EXOC4: variants seen among roughly 807,000 people sequenced by gnomAD.
EXOC4 encodes exocyst complex component 4.
Under a neutral mutation model 107.2 loss-of-function variants are expected in EXOC4, and 71 were observed. That is an observed-to-expected ratio of 0.66 (90% confidence interval 0.55 to 0.81). The LOEUF (loss-of-function observed/expected upper bound fraction) is 0.81, where lower values mean the gene tolerates loss of function less well. EXOC4 is among the 30% of genes least tolerant of loss of function. EXOC4 has a pLI of 0.00. For missense variants in EXOC4, 1,108 were observed against 1,189.6 expected, an observed-to-expected ratio of 0.93 and a Z score of 1.01; for synonymous variants, 456 against 441.2, an observed-to-expected ratio of 1.03 and a Z score of -0.42.
At chr7:133,698,116 A>G (rs1794575849) in intron 10 of EXOC4, among the ~76,000 whole-genome samples, 1 of 4,620 alleles carries the variant, frequency 2.2e-4, no homozygotes, top group African/African-American at 2.6e-4. Flanking sequence ...TAAATAATTT[A>G]TGAAAAAAAA....
At chr7:133,534,489 G>A (rs1411576965) in intron 9 of EXOC4, among the ~76,000 whole-genome samples, 5 of 152,112 alleles carry the variant, frequency 3.3e-5, no homozygotes, top group Non-Finnish European at 1.5e-5. Context: ...AAAGAGGATG[G>A]AAATCACAGC....
chr7:133,683,694 A>C (rs745656897), intron 10 of EXOC4, among the ~76,000 whole-genome samples: 2 of 152,126 alleles, frequency 1.3e-5, no homozygotes, highest in Non-Finnish European at 2.9e-5. Flanking sequence ...CCCACATAGC[A>C]CATTGTCTCT....
chr7:133,609,597 G>A (rs1802031554), intron 9 of EXOC4, among the ~76,000 whole-genome samples: 1 of 152,164 alleles, frequency 6.6e-6, no homozygotes, highest in Admixed American at 6.5e-5. Context: ...ATTTATATGT[G>A]TAAAGCATAG....
rs148073739 is a variant in EXOC4, at chr7:134,005,051, G to A, written c.2488G>A (p.Ala830Thr). 1.6e-4 allele frequency: 253 copies of A among 1,613,422 alleles called. No individual in the cohort carries two copies. The African/African-American group carries it at 1.9e-3, about 12-fold the overall frequency. Residue 830 changes from alanine to threonine, a missense_variant, in exon 16 of 18, where the codon GCC becomes ACC. Physicochemically the swap from Ala to Thr is moderately conservative, Grantham distance 58. Coordinates refer to ENST00000253861, the MANE Select transcript of EXOC4 (RefSeq NM_021807.4). ...DISAIEEAMS[A>T]SLQQHKFQYI... ...CAGCGCCATTGAAGAGGCCATGAGC[G>A]CCAGCCTTCAGCAGCACAAGTTCCA... is the stretch of plus-strand genomic sequence containing the variant.
chr7:133,758,524 A>G (rs1795965524), intron 10 of EXOC4, among the ~76,000 whole-genome samples: 1 of 152,248 alleles, frequency 6.6e-6, no homozygotes, highest in African/African-American at 2.4e-5. Context: ...ATTAAAGGCT[A>G]GGTCTCAATC....
chr7:133,871,197 T>G (rs556950656), intron 11 of EXOC4, among the ~76,000 whole-genome samples: 1 of 152,288 alleles, frequency 6.6e-6, no homozygotes, highest in Non-Finnish European at 1.5e-5. Context: ...TTATACCTTA[T>G]TACTGTTTGT....
intron 17 of EXOC4, among the ~76,000 whole-genome samples, chr7:134,012,201 A>G (rs1181818640): frequency 1.3e-5 from 2 of 152,132 alleles, no homozygotes; most frequent in African/African-American, 4.8e-5. Flanking sequence ...CATAATGTGA[A>G]TCAGTCTGGC....
chr7:133,661,580 G>A (rs948024449), intron 10 of EXOC4, among the ~76,000 whole-genome samples: 3 of 149,422 alleles, frequency 2.0e-5, no homozygotes, highest in African/African-American at 4.9e-5. Flanking sequence ...TCCATCTCTC[G>A]GCTTTGGAGC....
intron 9 of EXOC4, among the ~76,000 whole-genome samples, chr7:133,495,742 G>A (rs543512620): frequency 1.3e-5 from 2 of 152,060 alleles, no homozygotes; most frequent in South Asian, 2.1e-4. Flanking sequence ...GACTTTCATC[G>A]TTTCCACTTT....
At chr7:133,869,569 C>T (rs1410681774) in intron 11 of EXOC4, among the ~76,000 whole-genome samples, 1 of 152,120 alleles carries the variant, frequency 6.6e-6, no homozygotes, top group Admixed American at 6.5e-5. Context: ...AGTAGGTGCT[C>T]AAGAAATATT....
chr7:133,492,707 AGAAT>A (rs1439057958), intron 9 of EXOC4, among the ~76,000 whole-genome samples: 3 of 152,078 alleles, frequency 2.0e-5, no homozygotes, highest in Non-Finnish European at 4.4e-5. Flanking sequence ...TAGTCTCTTA[AGAAT>A]ATGAATTCTT....
chr7:133,424,237 T>G lies in EXOC4; in HGVS notation c.1182+49235T>G, dbSNP rs541731893. Among the ~76,000 whole-genome samples, 17 of 152,258 alleles carry G rather than the reference T, an allele frequency of 1.1e-4. No homozygotes were observed. In the South Asian group the frequency reaches 3.5e-3, roughly 32 times the overall value. ...TGCTGCTGCTCACTCTTTGGGTGCC[T>G]GCCGCCTTTATGAGCTGTAACACTC... On this transcript the variant is annotated intron_variant, in intron 7 of 17. Coordinates refer to ENST00000253861, the MANE Select transcript of EXOC4 (RefSeq NM_021807.4).
At chr7:133,927,404 C>A (rs1800076474) in intron 13 of EXOC4, among the ~76,000 whole-genome samples, 1 of 152,126 alleles carries the variant, frequency 6.6e-6, no homozygotes, top group South Asian at 2.1e-4. Context: ...TAAAGTAGAG[C>A]ATAAATGATT....
chr7:133,845,467 T>C (rs1798108384), intron 11 of EXOC4, among the ~76,000 whole-genome samples: 1 of 150,174 alleles, frequency 6.7e-6, no homozygotes, highest in South Asian at 2.1e-4. Flanking sequence ...AAATACAACG[T>C]TTGCCCATTA....
chr7:133,364,112 A>G (rs1023714468), intron 6 of EXOC4, among the ~76,000 whole-genome samples: 18 of 151,962 alleles, frequency 1.2e-4, no homozygotes, highest in African/African-American at 4.4e-4. Flanking sequence ...AGGGCTGGGC[A>G]CATACGAAAT....
At chr7:133,722,469 A>G (rs1261673152) in intron 10 of EXOC4, among the ~76,000 whole-genome samples, 1 of 151,932 alleles carries the variant, frequency 6.6e-6, no homozygotes, top group East Asian at 1.9e-4. Flanking sequence ...TTTTTTTTCC[A>G]CAGGGAAAGG....
intron 9 of EXOC4, among the ~76,000 whole-genome samples, chr7:133,534,529 G>C (rs1289298021): frequency 6.6e-6 from 1 of 152,144 alleles, no homozygotes; most frequent in Non-Finnish European, 1.5e-5. Context: ...CTACTCATCA[G>C]CAAAGCTTGT....
In EXOC4 at chr7:133,735,540, A is replaced by C. The variant is rs756611718; in HGVS notation, c.1515-81785A>C. 2.0e-5 allele frequency among the ~76,000 whole-genome samples: 3 copies of C among 152,120 alleles called. No homozygotes were observed. In the South Asian group the frequency reaches 6.2e-4, roughly 32 times the overall value. On this transcript the variant is annotated intron_variant, in intron 10 of 17. Coordinates refer to ENST00000253861, the MANE Select transcript of EXOC4 (RefSeq NM_021807.4). ...TCTTAGATTCTCTATTTTTGGAGATATGATAGTCCTCCACTTTTTGCCATT... is the reference window on the plus strand; with the variant it reads ...TCTTAGATTCTCTATTTTTGGAGATCTGATAGTCCTCCACTTTTTGCCATT...
intron 9 of EXOC4, among the ~76,000 whole-genome samples, chr7:133,627,621 A>G (rs1217506510): frequency 1.3e-5 from 2 of 152,168 alleles, no homozygotes; most frequent in Non-Finnish European, 1.5e-5. Flanking sequence ...AAGAAGTTAT[A>G]TTTATTTATC....
Sources: allele counts gnomAD v4.1 joint callset (sites outside exome capture counted in the v4.1 genomes callset), GRCh38; gene constraint gnomAD v4.1.1; transcripts MANE v1.5; gene names NCBI Gene and HGNC (gene_info 2026-07-23, HGNC 2026-07-21).